Variants in PLCL2 observed in about 807,000 individuals in gnomAD.
PLCL2 encodes inactive phospholipase C-like protein 2.
Under a neutral mutation model 79.6 loss-of-function variants are expected in PLCL2, and 4 were observed. The ratio of observed to expected loss-of-function variants is 0.05; its 90% confidence interval spans 0.02 to 0.11. The LOEUF is 0.11. Ranked by LOEUF, PLCL2 falls within the 10% of genes least tolerant of loss-of-function variation. The probability of loss-of-function intolerance (pLI) is 1.00; values close to 1 mark genes in which losing one functional copy is unlikely to be tolerated. For synonymous variants in PLCL2, 484 were observed against 457.7 expected, an observed-to-expected ratio of 1.06 and a Z score of -0.73; for missense variants, 895 against 1,291.0, an observed-to-expected ratio of 0.69 and a Z score of 4.70.
intron 1 of PLCL2, among the ~76,000 whole-genome samples, chr3:16,947,737 A>C (rs184669093): frequency 7.2e-5 from 11 of 152,312 alleles, no homozygotes; most frequent in African/African-American, 2.6e-4. Flanking sequence ...TACCCACACC[A>C]CTTTCCAGAA....
intron 1 of PLCL2, among the ~76,000 whole-genome samples, chr3:16,935,184 T>G (rs1316091756): frequency 2.0e-5 from 3 of 152,200 alleles, no homozygotes; most frequent in Non-Finnish European, 2.9e-5. Context: ...TTTTCATGCT[T>G]ATCAACTAAT....
intron 3 of PLCL2, among the ~76,000 whole-genome samples, chr3:17,026,506 T>C (rs1050099194): frequency 3.3e-5 from 5 of 152,352 alleles, no homozygotes; most frequent in Admixed American, 3.3e-4. Context: ...TTTGTAGTTA[T>C]ATTCTGACAC....
intron 5 of PLCL2, among the ~76,000 whole-genome samples, chr3:17,088,323 A>C (rs2065241073): frequency 6.6e-6 from 1 of 152,192 alleles, no homozygotes; most frequent in African/African-American, 2.4e-5. Flanking sequence ...ACTGGGAGGC[A>C]GTTCAGAAAG....
rs1044080849 is a variant in PLCL2 at position 16,906,012 on chromosome 3, G to A, written c.327+20646G>A. ...GCTAGGGAGGACTTTATATGCAGCA[G>A]GACTGCATTAATGACTTTCAGGCCC... is the stretch of plus-strand genomic sequence containing the variant. On this transcript the variant is annotated intron_variant, in intron 1 of 5. Transcript: ENST00000615277. Among the ~76,000 whole-genome samples the A allele has an allele frequency of 5.3e-5, 8 of 152,006 alleles. No homozygotes were observed. In the East Asian group the frequency reaches 5.8e-4, roughly 11 times the overall value.
chr3:16,897,989 A>AT (rs142316979), intron 1 of PLCL2, among the ~76,000 whole-genome samples: 22,577 of 149,886 alleles, frequency 0.15, 2,015 homozygotes, highest in African/African-American at 0.24. Context: ...TTTTTAGGTC[A>AT]TTTTTTTTTT....
intron 1 of PLCL2, among the ~76,000 whole-genome samples, chr3:16,954,506 T>C (rs992592874): frequency 1.3e-5 from 2 of 152,172 alleles, no homozygotes; most frequent in Non-Finnish European, 2.9e-5. Flanking sequence ...TGTGTCTTTA[T>C]AGCAGCATGA....
chr3:17,090,019 A>T lies in PLCL2; in HGVS notation c.*107A>T. ...AATGAGAATAATATTCGGGATTTTA[A>T]AGCACAACTGGAATAGCTAATTACA... On this transcript the variant is annotated 3_prime_UTR_variant, in exon 6 of 6. Transcript: ENST00000615277. 7.0e-7 allele frequency: 1 copy of T among 1,430,102 alleles called. No homozygotes were observed. The highest frequency in any genetic ancestry group is 9.2e-7 in the Non-Finnish European group (1 of 1,087,446). 88.6% of individuals were successfully genotyped at this position (1,430,102 alleles called of 1,614,324 possible).
At chr3:17,004,965 T>C (rs1338690684) in intron 1 of PLCL2, among the ~76,000 whole-genome samples, 1 of 150,728 alleles carries the variant, frequency 6.6e-6, no homozygotes, top group Non-Finnish European at 1.5e-5. Flanking sequence ...TTTGTTTTCA[T>C]ACTACACCCT....
intron 1 of PLCL2, among the ~76,000 whole-genome samples, chr3:16,958,337 G>A (rs1172556747): frequency 6.6e-6 from 1 of 152,168 alleles, no homozygotes; most frequent in African/African-American, 2.4e-5. Context: ...TTGTAAAAAT[G>A]TTGTATTGTT....
chr3:16,994,070 G>A (rs1056896815), intron 1 of PLCL2, among the ~76,000 whole-genome samples: 1 of 152,180 alleles, frequency 6.6e-6, no homozygotes, highest in African/African-American at 2.4e-5. Flanking sequence ...CATTGAAGCA[G>A]TTAAATTGCT....
chr3:17,001,881 A>G (rs1018313496), intron 1 of PLCL2, among the ~76,000 whole-genome samples: 1 of 150,060 alleles, frequency 6.7e-6, no homozygotes, highest in African/African-American at 2.5e-5. Context: ...TTTTTTTTTT[A>G]CTTCTGTGCA....
chr3:17,012,306 G>GT (rs1264319114), intron 2 of PLCL2, 146 bp downstream of exon 2: 8 of 688,294 alleles, frequency 1.2e-5, no homozygotes, highest in Non-Finnish European at 1.8e-5. Flanking sequence ...CCACTAGTCT[G>GT]TTTTTTATCA....
intron 1 of PLCL2, among the ~76,000 whole-genome samples, chr3:16,997,202 G>A (rs746206645): frequency 6.6e-6 from 1 of 152,160 alleles, no homozygotes; most frequent in Non-Finnish European, 1.5e-5. Flanking sequence ...ATCAAAATTG[G>A]TCCGGCCAGA....
chr3:16,959,623 T>C (rs1447886195), intron 1 of PLCL2, among the ~76,000 whole-genome samples: 1 of 152,112 alleles, frequency 6.6e-6, no homozygotes, highest in African/African-American at 2.4e-5. Flanking sequence ...TTTCTATCAA[T>C]ATGTTCCCCC....
intron 1 of PLCL2, among the ~76,000 whole-genome samples, chr3:16,926,727 A>C (rs1193514351): frequency 1.3e-5 from 2 of 151,268 alleles, no homozygotes; most frequent in Non-Finnish European, 2.9e-5. Flanking sequence ...TGCCTCCTGG[A>C]TTCACGCCAT....
intron 1 of PLCL2, among the ~76,000 whole-genome samples, chr3:16,914,473 AAATT>A (rs1033882085): frequency 1.3e-5 from 2 of 152,000 alleles, no homozygotes; most frequent in African/African-American, 4.8e-5. Flanking sequence ...CTCAGCTTAT[AAATT>A]AAAATATAAG....
chr3:17,047,014 C>T (rs2064787179), intron 4 of PLCL2, among the ~76,000 whole-genome samples: 1 of 151,934 alleles, frequency 6.6e-6, no homozygotes, highest in Admixed American at 6.6e-5. Context: ...TCTAAGTAAA[C>T]AATATAAGCA....
intron 1 of PLCL2, among the ~76,000 whole-genome samples, chr3:17,008,410 A>C (rs1040690039): frequency 6.6e-6 from 1 of 151,628 alleles, no homozygotes; most frequent in Non-Finnish European, 1.5e-5. Flanking sequence ...ATTTGGTGCA[A>C]ATAGTTTCCA....
At chr3:17,040,128 T>TA (rs1166177930) in intron 3 of PLCL2, among the ~76,000 whole-genome samples, 17 of 152,178 alleles carry the variant, frequency 1.1e-4, no homozygotes, top group East Asian at 3.9e-4. Context: ...GTTCTTTTTT[T>TA]TATATATATA....
Sources: allele counts gnomAD v4.1 joint callset (sites outside exome capture counted in the v4.1 genomes callset), GRCh38; gene constraint gnomAD v4.1.1; transcripts MANE v1.5; gene names NCBI Gene and HGNC (gene_info 2026-07-23, HGNC 2026-07-21).